LANCL1: variants seen among roughly 807,000 people sequenced by gnomAD.
LANCL1 encodes LanC like glutathione S-transferase 1.
Under a neutral mutation model 50.6 loss-of-function variants are expected in LANCL1, and 50 were observed. The observed-to-expected ratio is 0.99, with a 90% CI of 0.79 to 1.25. The LOEUF is 1.25. LANCL1 is among the 50% of genes most tolerant of loss of function. The probability of loss-of-function intolerance (pLI) is 0.00; values close to 1 mark genes in which losing one functional copy is unlikely to be tolerated. For synonymous variants in LANCL1, 188 were observed against 178.6 expected, an observed-to-expected ratio of 1.05 and a Z score of -0.42; for missense variants, 532 against 480.7, an observed-to-expected ratio of 1.11 and a Z score of -1.00.
intron 4 of LANCL1, among the ~76,000 whole-genome samples, chr2:210,445,182 C>T (rs1490908339): frequency 6.6e-6 from 1 of 151,934 alleles, no homozygotes; most frequent in East Asian, 1.9e-4. Context: ...TTTTTAAACA[C>T]ATACTGTTCT....
intron 3 of LANCL1, among the ~76,000 whole-genome samples, chr2:210,470,267 A>G (rs549632761): frequency 8.5e-5 from 13 of 152,188 alleles, no homozygotes; most frequent in Non-Finnish European, 1.6e-4. Context: ...TTTCATTCTC[A>G]TTTTAACTTT....
intron 3 of LANCL1, among the ~76,000 whole-genome samples, chr2:210,461,172 GT>G (rs1403507906): frequency 6.6e-6 from 1 of 150,944 alleles, no homozygotes; most frequent in Non-Finnish European, 1.5e-5. Context: ...TCCTACTCTG[GT>G]TCACTCAAGC....
At position 210,476,400 on chromosome 2, in the gene LANCL1, G is replaced by A. The variant is rs1419008292; in HGVS notation, c.-4C>T. On this transcript the variant is annotated 5_prime_UTR_variant, in exon 2 of 10. Coordinates refer to ENST00000450366, the MANE Select transcript of LANCL1 (RefSeq NM_006055.3). Reference sequence around the variant, plus strand: ...TCGGGAAGGCCCTTTGAGCCATGACGCCGGAAGCAAGCCTGCAGAACAGGG... The same window carrying A: ...TCGGGAAGGCCCTTTGAGCCATGACACCGGAAGCAAGCCTGCAGAACAGGG... 2 of 1,613,384 alleles carry A rather than the reference G, an allele frequency of 1.2e-6. No individual in the cohort carries two copies. The highest frequency in any genetic ancestry group is 1.7e-6 in the Non-Finnish European group (2 of 1,179,826).
At chr2:210,439,924 A>C (rs1489469569) in intron 6 of LANCL1, among the ~76,000 whole-genome samples, 1 of 152,188 alleles carries the variant, frequency 6.6e-6, no homozygotes. Flanking sequence ...CTTATTCAGA[A>C]GTGCCAGTTT....
rs1356134024 is a variant in LANCL1, at chr2:210,433,256, GTCTT to G, written c.*1227_*1230del. 6.6e-6 allele frequency: 1 copy of G among 152,490 alleles called. No individual in the cohort carries two copies. Among genetic ancestry groups the G allele is most frequent in the East Asian group, 1.9e-4 (1 of 5,176 alleles). The allele number at this position is 152,490 out of a possible 1,614,324, so 9.4% of individuals were successfully genotyped here. A position where few individuals can be genotyped will look rare whatever the true frequency, so the allele number is the denominator to read the frequency against. ...TGAACAGAATTTGAAGCACCAGAGA[GTCTT>G]TATCTACTACGGAAAACCTGATTCT... On this transcript the variant is annotated 3_prime_UTR_variant, in exon 10 of 10. Transcript: ENST00000450366.
intron 4 of LANCL1, among the ~76,000 whole-genome samples, chr2:210,442,314 T>C (rs1693165636): frequency 6.6e-6 from 1 of 152,178 alleles, no homozygotes; most frequent in African/African-American, 2.4e-5. Context: ...TTTTTTTGTG[T>C]GTATTCCTAG....
intron 3 of LANCL1, among the ~76,000 whole-genome samples, chr2:210,462,195 G>T (rs1426816409): frequency 1.3e-5 from 2 of 152,100 alleles, no homozygotes; most frequent in East Asian, 3.9e-4. Context: ...TTGATCTTAA[G>T]GGGCCTCCAG....
chr2:210,455,354 G>A lies in LANCL1; in HGVS notation c.200-40C>T, dbSNP rs372244269. On this transcript the variant is annotated intron_variant, in intron 3 of 9. Coordinates refer to ENST00000450366, the MANE Select transcript of LANCL1 (RefSeq NM_006055.3). ...AGGAAACAATGTAAAGATGAGGAAA[G>A]GCAGTTATTTTATTATTTTTGGCAT... 58 of 1,530,890 alleles carry A rather than the reference G, an allele frequency of 3.8e-5. No homozygotes were observed. In the African/African-American group the frequency reaches 6.6e-4, roughly 17 times the overall value. 94.8% of individuals were successfully genotyped at this position (1,530,890 alleles called of 1,614,324 possible). A position where few individuals can be genotyped will look rare whatever the true frequency, so the allele number is the denominator to read the frequency against.
intron 4 of LANCL1, among the ~76,000 whole-genome samples, chr2:210,447,108 C>T (rs1248418794): frequency 4.6e-5 from 7 of 152,156 alleles, no homozygotes; most frequent in Non-Finnish European, 7.4e-5. Context: ...TGAGAAAGGT[C>T]GGGTTACCCA....
intron 4 of LANCL1, among the ~76,000 whole-genome samples, chr2:210,454,495 T>C (rs1177395091): frequency 6.6e-6 from 1 of 152,176 alleles, no homozygotes; most frequent in Non-Finnish European, 1.5e-5. Flanking sequence ...GGTTAAAACG[T>C]TGCTGGAGTG....
At chr2:210,464,730 G>C (rs1693985054) in intron 3 of LANCL1, among the ~76,000 whole-genome samples, 1 of 151,640 alleles carries the variant, frequency 6.6e-6, no homozygotes, top group Non-Finnish European at 1.5e-5. Context: ...ACTTTGGGAG[G>C]CTGAGGCGGG....
intron 3 of LANCL1, among the ~76,000 whole-genome samples, chr2:210,464,983 A>AAAAACAAAAAGAC (rs1553714477): frequency 1.5e-5 from 1 of 64,568 alleles, no homozygotes; most frequent in East Asian, 4.8e-4. Flanking sequence ...AAAAAAAAAA[A>AAAAACAAAAAGAC]AAAAAAAACT....
intron 4 of LANCL1, among the ~76,000 whole-genome samples, chr2:210,447,908 G>A (rs1290407397): frequency 1.3e-5 from 2 of 152,116 alleles, no homozygotes; most frequent in Non-Finnish European, 2.9e-5. Flanking sequence ...AAAATAGTGG[G>A]AGACTGTAAC....
intron 7 of LANCL1, among the ~76,000 whole-genome samples, chr2:210,437,357 T>A (rs1692967852): frequency 6.6e-6 from 1 of 152,236 alleles, no homozygotes; most frequent in South Asian, 2.1e-4. Flanking sequence ...AATACTTGGA[T>A]TATTTTCACC....
chr2:210,446,146 C>G (rs1202625659), intron 4 of LANCL1, among the ~76,000 whole-genome samples: 1 of 145,030 alleles, frequency 6.9e-6, no homozygotes. Flanking sequence ...GAGTCCCTGC[C>G]CCCCTGTGCT....
At chr2:210,461,228 T>C (rs145992496) in intron 3 of LANCL1, among the ~76,000 whole-genome samples, 2 of 152,174 alleles carry the variant, frequency 1.3e-5, no homozygotes, top group African/African-American at 2.4e-5. Context: ...ATCTATCTAG[T>C]GGCCATTGTG....
rs1240413538 is a variant in LANCL1 at position 210,433,614 on chromosome 2, T to C, written c.*873A>G. Reference sequence around the variant, plus strand: ...TTAAAGTTTAGAAAGTCAGTCAGAGTGGACTGAAATCCTAGGTTAAAGCAT... The same window carrying C: ...TTAAAGTTTAGAAAGTCAGTCAGAGCGGACTGAAATCCTAGGTTAAAGCAT... On this transcript the variant is annotated 3_prime_UTR_variant, in exon 10 of 10. Transcript: ENST00000450366. 1.3e-5 allele frequency: 2 copies of C among 152,250 alleles called. No homozygotes were observed. The highest frequency in any genetic ancestry group is 2.1e-4 in the South Asian group (1 of 4,816). The allele number at this position is 152,250 out of a possible 1,614,324, so 9.4% of individuals were successfully genotyped here. A position where few individuals can be genotyped will look rare whatever the true frequency, so the allele number is the denominator to read the frequency against.
intron 2 of LANCL1, among the ~76,000 whole-genome samples, chr2:210,474,731 T>TA: frequency 1.1e-5 from 1 of 94,720 alleles, no homozygotes. Context: ...TCTAAAAAAA[T>TA]AAAAATAAAA....
chr2:210,440,678 G>A lies in LANCL1; in HGVS notation c.610C>T (p.Pro204Ser), dbSNP rs200162143. Residue 204 changes from proline to serine, a missense_variant, in exon 6 of 10, where the codon CCA becomes TCA. Pro to Ser is a moderately conservative substitution (Grantham distance 74, BLOSUM62 -1). Coordinates refer to ENST00000450366, the MANE Select transcript of LANCL1 (RefSeq NM_006055.3). ...TCCTGGTACCATTCATACATCAGTG[G>A]AGACTTTGCCGTGAAGTTTCTCTTC... ...ARKRNFTAKS[P>S]LMYEWYQEYY... is the part of the protein sequence containing the mutation. The A allele has an allele frequency of 6.2e-6, 10 of 1,613,894 alleles. No individual in the cohort carries two copies. The East Asian group carries it at 1.6e-4, about 25-fold the overall frequency.
Sources: allele counts gnomAD v4.1 joint callset (sites outside exome capture counted in the v4.1 genomes callset), GRCh38; gene constraint gnomAD v4.1.1; transcripts MANE v1.5; gene names NCBI Gene and HGNC (gene_info 2026-07-23, HGNC 2026-07-21).